The following NICOL1 variants were observed in gnomAD, a reference collection of about 807,000 sequenced individuals.
NICOL1 encodes the protein NELL2-interacting cell ontogeny regulator 1.
chr4:2,037,195 G>A, the NICOL1 span, among the ~76,000 whole-genome samples: 2 of 152,156 alleles, frequency 1.3e-5, no homozygotes, highest in Non-Finnish European at 2.9e-5. Context: ...TAAGTTTCCT[G>A]AAGCTCCCCA....
chr4:2,040,178 C>A, the NICOL1 span, among the ~76,000 whole-genome samples: 2 of 152,128 alleles, frequency 1.3e-5, no homozygotes, highest in East Asian at 3.8e-4. Flanking sequence ...GTGATCTCAG[C>A]TCACTGCAAC....
At chr4:2,043,756 T>C in the NICOL1 span, 1 of 875,048 alleles carries the variant, frequency 1.1e-6, no homozygotes, top group Non-Finnish European at 1.8e-6. Flanking sequence ...TGACCTTGTC[T>C]GTCTCAGGAG....
the NICOL1 span, among the ~76,000 whole-genome samples, chr4:2,040,585 C>T: frequency 1.3e-5 from 2 of 152,192 alleles, no homozygotes; most frequent in African/African-American, 4.8e-5. Context: ...TGGGGGACCG[C>T]GACGGCCTGC....
chr4:2,041,773 C>A, the NICOL1 span: 8 of 465,898 alleles, frequency 1.7e-5, no homozygotes, highest in African/African-American at 1.6e-4. Flanking sequence ...GCCGGCCTTG[C>A]GCTCTGGAGG....
At chr4:2,038,526 G>A in the NICOL1 span, among the ~76,000 whole-genome samples, 1 of 151,632 alleles carries the variant, frequency 6.6e-6, no homozygotes, top group East Asian at 1.9e-4. Flanking sequence ...TAAACTCCTG[G>A]CCTCAAGTGA....
chr4:2,039,081 G>C, the NICOL1 span, among the ~76,000 whole-genome samples: 1 of 152,108 alleles, frequency 6.6e-6, no homozygotes, highest in East Asian at 1.9e-4. Context: ...CGTTGTGCTT[G>C]TCCTCTTGTT....
At chr4:2,042,720 C>T in the NICOL1 span, 3 of 1,496,900 alleles carry the variant, frequency 2.0e-6, no homozygotes, top group Non-Finnish European at 8.9e-7. Flanking sequence ...TCCACCCTGA[C>T]CCGCGCCCCC....
chr4:2,038,600 C>T, the NICOL1 span, among the ~76,000 whole-genome samples: 4 of 152,026 alleles, frequency 2.6e-5, no homozygotes, highest in African/African-American at 9.7e-5. Flanking sequence ...ATTAAACATT[C>T]TGCATATACT....
At chr4:2,042,703 C>G in the NICOL1 span, 1 of 1,336,302 alleles carries the variant, frequency 7.5e-7, no homozygotes. Flanking sequence ...ACCCCCCCTG[C>G]GCCCCCTCCA....
chr4:2,042,090 T>C, the NICOL1 span: 140 of 1,482,672 alleles, frequency 9.4e-5, no homozygotes, highest in Middle Eastern at 5.8e-4. Context: ...GGTGCGGGCG[T>C]CCGAATGGGC....
chr4:2,043,749 C>T, the NICOL1 span: 1 of 818,206 alleles, frequency 1.2e-6, no homozygotes, highest in Non-Finnish European at 1.9e-6. Context: ...CAGGGCCTGA[C>T]CTTGTCTGTC....
the NICOL1 span, chr4:2,042,211 T>A: frequency 9.8e-5 from 79 of 809,642 alleles, no homozygotes; most frequent in Non-Finnish European, 1.2e-4. Flanking sequence ...GGTGGGTGGG[T>A]CCAGGGCTCC....
At chr4:2,042,271 G>A in the NICOL1 span, 4 of 1,029,328 alleles carry the variant, frequency 3.9e-6, no homozygotes, top group African/African-American at 5.1e-5. Context: ...AGGGGACGGG[G>A]GCTCACCGGC....
chr4:2,036,666 G>C, the NICOL1 span, among the ~76,000 whole-genome samples: 2 of 152,164 alleles, frequency 1.3e-5, no homozygotes, highest in Non-Finnish European at 2.9e-5. Context: ...CTCCCTGTGG[G>C]TATAACTCGG....
At chr4:2,038,373 G>A in the NICOL1 span, among the ~76,000 whole-genome samples, 17 of 149,782 alleles carry the variant, frequency 1.1e-4, no homozygotes, top group South Asian at 2.8e-3. Context: ...CTGCAGCCTC[G>A]AACTCCTAGG....
the NICOL1 span, chr4:2,042,019 A>G: frequency 6.8e-7 from 1 of 1,471,442 alleles, no homozygotes; most frequent in Non-Finnish European, 8.9e-7. Flanking sequence ...CCGGACGCGG[A>G]ACGTCTGCCG....
At chr4:2,041,068 C>A in the NICOL1 span, among the ~76,000 whole-genome samples, 1 of 151,686 alleles carries the variant, frequency 6.6e-6, no homozygotes, top group African/African-American at 2.4e-5. Flanking sequence ...AGGGGTGCGG[C>A]TCCGCCCACC....
chr4:2,042,864 G>C, the NICOL1 span: 1 of 1,395,646 alleles, frequency 7.2e-7, no homozygotes, highest in Non-Finnish European at 9.5e-7. Flanking sequence ...GGGCTTCCCA[G>C]GGGGTGGGGA....
the NICOL1 span, among the ~76,000 whole-genome samples, chr4:2,041,221 G>A: frequency 6.6e-6 from 1 of 152,028 alleles, no homozygotes; most frequent in African/African-American, 2.4e-5. Flanking sequence ...CGCCTGTGTC[G>A]GTGTCGGCGT....
Sources: gnomAD v4.1 joint callset for allele counts (sites outside exome capture counted in the v4.1 genomes callset) on GRCh38, gnomAD v4.1.1 for gene constraint, MANE v1.5 for transcripts, NCBI Gene and HGNC (gene_info 2026-07-23, HGNC 2026-07-21) for gene names.